The following PSD3 variants were observed in gnomAD, a reference collection of about 807,000 sequenced individuals.
PSD3 encodes the protein pleckstrin and Sec7 domain containing 3.
A neutral mutation model predicts 105.5 loss-of-function variants in PSD3; 49 were observed. That is an observed-to-expected ratio of 0.46 (90% CI 0.37 to 0.59). The LOEUF (loss-of-function observed/expected upper bound fraction) is 0.59, where lower values mean the gene tolerates loss of function less well. PSD3 is among the 20% of genes least tolerant of loss of function. The pLI, the probability that PSD3 is intolerant of heterozygous loss-of-function variation, is 0.00. For synonymous variants in PSD3, 557 were observed against 457.8 expected (o/e 1.22, Z -2.77); for missense variants, 1,561 against 1,263.8 (o/e 1.24, Z -3.57).
chr8:18,573,131 C>T (rs934126736), intron 13 of PSD3, among the ~76,000 whole-genome samples: 7 of 152,110 alleles, frequency 4.6e-5, no homozygotes, highest in South Asian at 2.1e-4. Context: ...ATGTATCATA[C>T]GTCCCAGCAA....
intron 14 of PSD3, among the ~76,000 whole-genome samples, chr8:18,564,041 C>G (rs904168786): frequency 1.3e-5 from 2 of 151,952 alleles, no homozygotes; most frequent in Non-Finnish European, 2.9e-5. Context: ...CAGTGCTGAA[C>G]TCGTTTATGA....
At chr8:18,683,025 T>C (rs1427189178) in intron 9 of PSD3, among the ~76,000 whole-genome samples, 1 of 152,174 alleles carries the variant, frequency 6.6e-6, no homozygotes, top group East Asian at 1.9e-4. Flanking sequence ...AGTGGGAGTG[T>C]TTCTGAGTAC....
chr8:18,726,063 G>C (rs1803314305), intron 9 of PSD3, among the ~76,000 whole-genome samples: 1 of 152,158 alleles, frequency 6.6e-6, no homozygotes, highest in Non-Finnish European at 1.5e-5. Context: ...TAACCTCACA[G>C]TTCATGGACG....
At chr8:18,939,840 GACC>G (rs1292444087) in intron 1 of PSD3, among the ~76,000 whole-genome samples, 1 of 152,082 alleles carries the variant, frequency 6.6e-6, no homozygotes, top group Admixed American at 6.6e-5. Context: ...AGTGGATCAT[GACC>G]ACATTTTTAT....
chr8:19,071,518 A>G (rs983373503), intron 1 of PSD3, among the ~76,000 whole-genome samples: 12 of 152,152 alleles, frequency 7.9e-5, no homozygotes, highest in African/African-American at 2.9e-4. Flanking sequence ...GAGAAACGGG[A>G]AGGCTGTTGA....
At chr8:18,977,393 C>T in intron 1 of PSD3, among the ~76,000 whole-genome samples, 1 of 151,894 alleles carries the variant, frequency 6.6e-6, no homozygotes. Flanking sequence ...ATAATAGCAA[C>T]TACTTCTGAT....
chr8:18,678,576 C>T (rs1465566120), intron 9 of PSD3, among the ~76,000 whole-genome samples: 2 of 152,218 alleles, frequency 1.3e-5, no homozygotes, highest in African/African-American at 4.8e-5. Context: ...CTTTGGGAGG[C>T]CTAAGTGGGC....
chr8:18,623,859 C>T (rs1179697260), intron 11 of PSD3, among the ~76,000 whole-genome samples: 1 of 152,094 alleles, frequency 6.6e-6, no homozygotes, highest in African/African-American at 2.4e-5. Flanking sequence ...TGTATTCTTA[C>T]TAAAAATAGT....
At chr8:18,566,223 G>A (rs761519269) in intron 14 of PSD3, among the ~76,000 whole-genome samples, 1 of 152,040 alleles carries the variant, frequency 6.6e-6, no homozygotes, top group African/African-American at 2.4e-5. Context: ...ATAATACAGA[G>A]CTTTGGATAG....
At chr8:18,773,518 A>C (rs1318243563) in intron 8 of PSD3, among the ~76,000 whole-genome samples, 3 of 152,190 alleles carry the variant, frequency 2.0e-5, no homozygotes, top group Admixed American at 1.3e-4. Context: ...GATAAATGTT[A>C]TTGAGATTTT....
At position 18,574,844 on chromosome 8, in the gene PSD3, A is replaced by G. The variant is rs548013254; in HGVS notation, c.2639+284T>C. Among the ~76,000 whole-genome samples, 11 of 152,308 alleles carry G rather than the reference A, an allele frequency of 7.2e-5. No individual in the cohort carries two copies. In the South Asian group the frequency reaches 2.3e-3, roughly 32 times the overall value. ...ACTCATTTTGCGATAAAACTTGTCT[A>G]CTAAAACCCTCATATTTTATTGATG... On this transcript the variant is annotated intron_variant, in intron 13 of 15. Transcript: ENST00000327040.
intron 2 of PSD3, among the ~76,000 whole-genome samples, chr8:18,929,060 A>T (rs1821568427): frequency 6.6e-6 from 1 of 152,172 alleles, no homozygotes; most frequent in Admixed American, 6.6e-5. Context: ...CGTACTAAAA[A>T]TCCACTGAAT....
intron 4 of PSD3, chr8:18,808,837 C>G (rs1811432247): frequency 6.2e-7 from 1 of 1,607,810 alleles, no homozygotes. Context: ...AAGCCCCGTC[C>G]AGTATTCTTC....
At chr8:18,729,865 T>A (rs891628222) in intron 9 of PSD3, among the ~76,000 whole-genome samples, 2 of 152,198 alleles carry the variant, frequency 1.3e-5, no homozygotes, top group Non-Finnish European at 2.9e-5. Flanking sequence ...ACTAATTCAA[T>A]TTCTCTTACC....
At chr8:19,049,549 G>T (rs1478267286) in intron 1 of PSD3, among the ~76,000 whole-genome samples, 3 of 152,034 alleles carry the variant, frequency 2.0e-5, no homozygotes, top group African/African-American at 7.2e-5. Context: ...AAATTAGCCA[G>T]ACATAGTGGT....
intron 4 of PSD3, among the ~76,000 whole-genome samples, chr8:18,813,506 A>G (rs571979913): frequency 9.2e-5 from 14 of 152,226 alleles, no homozygotes; most frequent in Admixed American, 2.0e-4. Flanking sequence ...AAAGTGCGCC[A>G]AAGAAATATG....
At position 18,912,606 on chromosome 8, in the gene PSD3, G is replaced by T. The variant is rs142387886; in HGVS notation, c.130+23428C>A. Among the ~76,000 whole-genome samples the T allele has an allele frequency of 1.1e-4, 17 of 152,252 alleles. No individual in the cohort carries two copies. In the East Asian group the frequency reaches 3.3e-3, roughly 29 times the overall value. On this transcript the variant is annotated intron_variant, in intron 2 of 15. Transcript: ENST00000327040. ...GTGCCTGTTAATGTTTATCATCTCTGTGGCTAGGATTCTCCTAAAAGAAAT... is the reference window on the plus strand; with the variant it reads ...GTGCCTGTTAATGTTTATCATCTCTTTGGCTAGGATTCTCCTAAAAGAAAT...
intron 12 of PSD3, among the ~76,000 whole-genome samples, chr8:18,585,152 A>C (rs1039047636): frequency 2.6e-5 from 4 of 152,150 alleles, no homozygotes; most frequent in African/African-American, 9.7e-5. Flanking sequence ...TCTGAAGTGG[A>C]AACAAAGGTA....
chr8:18,565,063 G>C (rs1801650570), intron 14 of PSD3, among the ~76,000 whole-genome samples: 1 of 152,202 alleles, frequency 6.6e-6, no homozygotes, highest in South Asian at 2.1e-4. Context: ...GGTTCCTACA[G>C]TGTAGGGTTT....
Sources: allele counts gnomAD v4.1 joint callset (sites outside exome capture counted in the v4.1 genomes callset), GRCh38; gene constraint gnomAD v4.1.1; transcripts MANE v1.5; gene names NCBI Gene and HGNC (gene_info 2026-07-23, HGNC 2026-07-21).